The following ALLC variants were observed in gnomAD, a reference collection of about 807,000 sequenced individuals.
ALLC encodes the protein probable inactive allantoicase.
Under a neutral mutation model 45.0 loss-of-function variants are expected in ALLC, and 40 were observed. The observed-to-expected ratio is 0.89, with a 90% CI of 0.69 to 1.16. The LOEUF is 1.16. ALLC is among the 50% of genes most tolerant of loss of function. The probability of loss-of-function intolerance (pLI) is 0.00; values close to 1 mark genes in which losing one functional copy is unlikely to be tolerated. For missense variants in ALLC, 488 were observed against 493.1 expected (o/e 0.99, Z 0.10); for synonymous variants, 176 against 178.1 (o/e 0.99, Z 0.09).
chr2:3,701,618 A>G lies in ALLC; in HGVS notation c.957A>G (p.Pro319=). The G allele has an allele frequency of 6.2e-7, 1 of 1,611,778 alleles. No homozygotes were observed. The highest frequency in any genetic ancestry group is 1.7e-5 in the Admixed American group (1 of 59,848). ...TTCTCCCGGCCCACAAGTGGAAACC[A>G]CTGCTTCCAGTGACCAAGGTTCGTG... ...KWILPAHKWK[P]LLPVTKLSPN... Residue 319 remains proline (P), a synonymous_variant, in exon 11 of 12, where the codon CCA becomes CCG. Transcript: ENST00000252505.
chr2:3,672,329 A>ACC (rs2147999316), intron 2 of ALLC, among the ~76,000 whole-genome samples: 2 of 114,202 alleles, frequency 1.8e-5, no homozygotes, highest in Non-Finnish European at 3.7e-5. Flanking sequence ...CTCTGGTTAG[A>ACC]TAGGAGGTCC....
the ALLC span, among the ~76,000 whole-genome samples, chr2:3,652,841 C>G: frequency 2.0e-5 from 3 of 152,134 alleles, no homozygotes; most frequent in African/African-American, 7.2e-5. Flanking sequence ...CTCAGCATCC[C>G]AAAACGCTAG....
chr2:3,651,432 TGTGTGTGTGTTA>T, the ALLC span, among the ~76,000 whole-genome samples: 27 of 60,174 alleles, frequency 4.5e-4, 1 homozygote, highest in African/African-American at 1.3e-3. Flanking sequence ...TGTGTGTGTG[TGTGTGTGTGTTA>T]GGAAGGGAGA....
At chr2:3,694,257 C>G (rs572740404) in intron 7 of ALLC, among the ~76,000 whole-genome samples, 139 of 152,250 alleles carry the variant, frequency 9.1e-4, no homozygotes, top group African/African-American at 3.1e-3. Context: ...CATTGATGGC[C>G]TGAAGAGGAG....
chr2:3,654,620 G>T (rs1369802343), upstream of ALLC, among the ~76,000 whole-genome samples: 1 of 152,220 alleles, frequency 6.6e-6, no homozygotes, highest in Non-Finnish European at 1.5e-5. Context: ...CTGAGCACTT[G>T]TCACGAGCCA....
At chr2:3,656,903 C>T (rs747200941), upstream of ALLC, among the ~76,000 whole-genome samples, 9 of 151,946 alleles carry the variant, frequency 5.9e-5, no homozygotes, top group African/African-American at 1.7e-4. Flanking sequence ...CTAGGCTTAG[C>T]GAAACCACGA....
chr2:3,652,742 C>T, the ALLC span, among the ~76,000 whole-genome samples: 11 of 152,024 alleles, frequency 7.2e-5, no homozygotes, highest in African/African-American at 1.2e-4. Flanking sequence ...GCCACATGCC[C>T]GGCTAATTTT....
At chr2:3,670,150 C>T (rs965678543) in intron 1 of ALLC, among the ~76,000 whole-genome samples, 9 of 152,166 alleles carry the variant, frequency 5.9e-5, no homozygotes. Flanking sequence ...CTCCTGACCA[C>T]AGACTATGGA....
intron 7 of ALLC, among the ~76,000 whole-genome samples, chr2:3,684,302 T>C (rs769852293): frequency 9.2e-5 from 14 of 152,232 alleles, no homozygotes; most frequent in Non-Finnish European, 1.5e-4. Flanking sequence ...AGGTGGTGTC[T>C]CATTGTGGTT....
chr2:3,686,730 AT>A lies in ALLC; in HGVS notation c.511+3660del, dbSNP rs1192932352. ...GTATATGCGATTGCCTTCTTGTTTT[AT>A]TTTGTAGATTATTCACTGTTGGTGT... On this transcript the variant is annotated intron_variant, in intron 7 of 11. Coordinates refer to ENST00000252505, the MANE Select transcript of ALLC (RefSeq NM_018436.4). 2.0e-5 allele frequency among the ~76,000 whole-genome samples: 3 copies of A among 150,652 alleles called. 1 individual carries two copies. Among genetic ancestry groups the A allele is most frequent in the Non-Finnish European group, 4.4e-5 (3 of 67,460 alleles).
intron 1 of ALLC, among the ~76,000 whole-genome samples, chr2:3,670,177 A>G (rs926142866): frequency 2.6e-5 from 4 of 152,202 alleles, no homozygotes; most frequent in Non-Finnish European, 5.9e-5. Flanking sequence ...TGTTTGCTTT[A>G]AGAAAGTGTC....
intron 1 of ALLC, among the ~76,000 whole-genome samples, chr2:3,665,772 A>G (rs779189267): frequency 4.6e-5 from 7 of 152,248 alleles, no homozygotes; most frequent in Non-Finnish European, 7.3e-5. Flanking sequence ...TGCAATGAAC[A>G]TATGCGTGCA....
intron 6 of ALLC, among the ~76,000 whole-genome samples, chr2:3,681,914 G>T (rs1667190449): frequency 6.6e-6 from 1 of 152,174 alleles, no homozygotes; most frequent in East Asian, 1.9e-4. Flanking sequence ...TGGCCCAAAG[G>T]CTTCTCAAAG....
At chr2:3,651,376 T>TGAGGGAGAC in the ALLC span, among the ~76,000 whole-genome samples, 1 of 10,890 alleles carries the variant, frequency 9.2e-5, no homozygotes, top group African/African-American at 4.4e-4. Context: ...TGTGTGTGTG[T>TGAGGGAGAC]GTGTGTGTGT....
At chr2:3,687,173 G>A (rs1440689446) in intron 7 of ALLC, among the ~76,000 whole-genome samples, 1 of 150,172 alleles carries the variant, frequency 6.7e-6, no homozygotes, top group Non-Finnish European at 1.5e-5. Context: ...TTTATCAAAT[G>A]CTTTCCAGCA....
chr2:3,668,316 G>T (rs1022231035), intron 1 of ALLC, among the ~76,000 whole-genome samples: 1 of 152,124 alleles, frequency 6.6e-6, no homozygotes, highest in African/African-American at 2.4e-5. Context: ...GCAGAGGCAG[G>T]ACAGAAGGGA....
At chr2:3,671,071 G>T in intron 1 of ALLC, 25 bp from the exon 2 acceptor site, 1 of 1,478,432 alleles carries the variant, frequency 6.8e-7, no homozygotes, top group South Asian at 1.2e-5. Context: ...CCCCAAGGTT[G>T]ACCGAGCTGC....
chr2:3,654,992 C>T (rs1052967980), upstream of ALLC, among the ~76,000 whole-genome samples: 4 of 152,236 alleles, frequency 2.6e-5, no homozygotes, highest in African/African-American at 7.2e-5. Context: ...GTGCCTGAGC[C>T]GCTCCCTGGA....
At chr2:3,649,588 T>TA in the ALLC span, among the ~76,000 whole-genome samples, 1 of 152,248 alleles carries the variant, frequency 6.6e-6, no homozygotes, top group Non-Finnish European at 1.5e-5. Context: ...GGTTTACACA[T>TA]ACATTTAAGA....
Sources: gnomAD v4.1 joint callset for allele counts (sites outside exome capture counted in the v4.1 genomes callset) on GRCh38, gnomAD v4.1.1 for gene constraint, MANE v1.5 for transcripts, NCBI Gene and HGNC (gene_info 2026-07-23, HGNC 2026-07-21) for gene names.